Variants in CLCA2 observed in about 807,000 individuals in gnomAD.
The protein encoded by CLCA2 is calcium-activated chloride channel regulator 2.
A neutral mutation model predicts 82.9 loss-of-function variants in CLCA2; 85 were observed. That is an observed-to-expected ratio of 1.03 (90% CI 0.86 to 1.23). The LOEUF is 1.23. Ranked by LOEUF, CLCA2 falls within the 50% of genes most tolerant of loss-of-function variation. CLCA2 has a pLI of 0.00. For synonymous variants in CLCA2, 421 were observed against 391.7 expected (o/e 1.07, Z -0.88); for missense variants, 1,089 against 1,124.8 (o/e 0.97, Z 0.45).
intron 6 of CLCA2, among the ~76,000 whole-genome samples, chr1:86,437,366 C>A (rs1558108342): frequency 6.6e-6 from 1 of 152,122 alleles, no homozygotes; most frequent in Non-Finnish European, 1.5e-5. Flanking sequence ...TGACTAGGCT[C>A]CACAGAGATG....
chr1:86,438,734 T>G, intron 6 of CLCA2, 142 bp from the exon 7 acceptor site: 1 of 670,082 alleles, frequency 1.5e-6, no homozygotes, highest in Non-Finnish European at 2.5e-6. Flanking sequence ...ATTCTAATAT[T>G]ATGTTACTCT....
chr1:86,443,818 A>G lies in CLCA2; in HGVS notation c.1520A>G (p.His507Arg). 6.2e-7 allele frequency: 1 copy of G among 1,613,992 alleles called. No homozygotes were observed. The highest frequency in any genetic ancestry group is 2.2e-5 in the East Asian group (1 of 44,852). Residue 507 changes from histidine to arginine, a missense_variant, in exon 10 of 14, where the codon CAC becomes CGC. Coordinates refer to ENST00000370565, the MANE Select transcript of CLCA2 (RefSeq NM_006536.7). ...LESTGENVKP[H>R]HQLKNTVTVD... Reference sequence around the variant, plus strand: ...AGTACAGGTGAAAATGTCAAACCTCACCATCAATTGAAAAACACAGTGACT... The same window carrying G: ...AGTACAGGTGAAAATGTCAAACCTCGCCATCAATTGAAAAACACAGTGACT...
intron 4 of CLCA2, among the ~76,000 whole-genome samples, chr1:86,431,308 C>T (rs1187778606): frequency 6.6e-6 from 1 of 152,118 alleles, no homozygotes; most frequent in Non-Finnish European, 1.5e-5. Flanking sequence ...CAGGCAAATT[C>T]AAATGAATAG....
chr1:86,452,262 T>G (rs1043899577), intron 12 of CLCA2, among the ~76,000 whole-genome samples: 1 of 149,618 alleles, frequency 6.7e-6, no homozygotes, highest in African/African-American at 2.5e-5. Flanking sequence ...CAGCTTTTGT[T>G]TGACATCTGC....
chr1:86,439,021 G>C lies in CLCA2; in HGVS notation c.1118G>C (p.Arg373Pro). 1 of 1,614,094 alleles carries C rather than the reference G, an allele frequency of 6.2e-7. No homozygotes were observed. Among genetic ancestry groups the C allele is most frequent in the South Asian group, 1.1e-5 (1 of 91,078 alleles). ...QLHQINSNDD[R>P]KLLVSYLPTT... The stretch of plus-strand genomic sequence containing the variant: ...CACCAAATTAACAGCAATGATGATC[G>C]AAAGTTGCTGGTTTCATATCTGCCC... Residue 373 changes from arginine (R) to proline (P), a missense_variant, in exon 7 of 14, where the codon CGA becomes CCA. By Grantham distance (103) the Arg-to-Pro change is moderately radical. Transcript: ENST00000370565.
chr1:86,447,583 G>A lies in CLCA2; in HGVS notation c.1789G>A (p.Ala597Thr), dbSNP rs199543422. The A allele has an allele frequency of 2.7e-5, 44 of 1,613,944 alleles. No homozygotes were observed. Among genetic ancestry groups the A allele is most frequent in the Admixed American group, 1.7e-4 (10 of 59,980 alleles). Residue 597 changes from alanine (A) to threonine (T), a missense_variant, in exon 11 of 14, where the codon GCC becomes ACC. Ala to Thr is a moderately conservative substitution (Grantham distance 58, BLOSUM62 0). Transcript: ENST00000370565. ...QALKVTVTSR[A>T]SNSAVPPATV... ...CCTGAAAGTGACAGTGACCTCTCGC[G>A]CCTCCAACTCAGCTGTGCCCCCAGC...
At chr1:86,446,672 C>T (rs769953492) in intron 10 of CLCA2, among the ~76,000 whole-genome samples, 11 of 152,330 alleles carry the variant, frequency 7.2e-5, no homozygotes, top group Admixed American at 2.0e-4. Flanking sequence ...CCCTGAGTTA[C>T]GCTTCAACCC....
Position 86,453,380 on chromosome 1 carries a change from A to T in CLCA2, c.2167A>T (p.Met723Leu). The change falls in exon 13 of 14, where the codon ATG becomes TTG. Residue 723 changes from methionine (M) to leucine (L), a missense_variant. Met to Leu is a conservative substitution (Grantham distance 15). Transcript: ENST00000370565. ...CTTTTTTGTCTCAGGTAATATTCAG[A>T]TGAATGCTCCAAGGAAATCAGTAGG... ...PGYTANGNIQ[M>L]NAPRKSVGRN... The T allele has an allele frequency of 6.2e-7, 1 of 1,613,956 alleles. No individual in the cohort carries two copies. Among genetic ancestry groups the T allele is most frequent in the Non-Finnish European group, 8.5e-7 (1 of 1,179,894 alleles).
intron 9 of CLCA2, among the ~76,000 whole-genome samples, chr1:86,441,967 A>G (rs1662745479): frequency 1.3e-5 from 2 of 152,234 alleles, no homozygotes. Flanking sequence ...ATTAAATTCT[A>G]CCACAAATAT....
chr1:86,432,271 C>A, intron 4 of CLCA2, 98 bp from the exon 5 acceptor site: 5 of 1,385,574 alleles, frequency 3.6e-6, no homozygotes, highest in Admixed American at 2.1e-5. Context: ...ATATATCTAG[C>A]AGGCTACAAT....
chr1:86,431,985 G>T (rs541570519), intron 4 of CLCA2, among the ~76,000 whole-genome samples: 2 of 151,992 alleles, frequency 1.3e-5, no homozygotes, highest in Non-Finnish European at 2.9e-5. Context: ...GCCCAGGCTG[G>T]AGTGCAATGG....
rs1285374448 is a variant in CLCA2, at chr1:86,455,148, C to T, written c.2453C>T (p.Ala818Val). ...LQNIQDDFNN[A>V]ILVNTSKRNP... ...AATATCCAAGATGACTTTAACAATG[C>T]TATTTTAGTAAATACATCAAAGCGA... The change falls in exon 14 of 14, where the codon GCT (alanine) becomes GTT (valine). Residue 818 changes from alanine (A) to valine (V), a missense_variant. Transcript: ENST00000370565. 6.2e-7 allele frequency: 1 copy of T among 1,610,288 alleles called. No homozygotes were observed. The highest frequency in any genetic ancestry group is 1.3e-5 in the African/African-American group (1 of 74,954).
intron 6 of CLCA2, 30 bp downstream of exon 6, chr1:86,434,775 C>T (rs373548034): frequency 5.4e-6 from 8 of 1,485,442 alleles, no homozygotes; most frequent in Non-Finnish European, 6.6e-6. Context: ...TGAATGTAAA[C>T]ATTTATCATT....
chr1:86,436,206 T>C (rs1449567815), intron 6 of CLCA2, among the ~76,000 whole-genome samples: 1 of 152,238 alleles, frequency 6.6e-6, no homozygotes, highest in African/African-American at 2.4e-5. Flanking sequence ...CTATTGCATC[T>C]GTATGGATGT....
At position 86,443,956 on chromosome 1, in the gene CLCA2, T is replaced by G; in HGVS notation, c.1658T>G (p.Phe553Cys). The G allele has an allele frequency of 6.2e-7, 1 of 1,613,798 alleles. No individual in the cohort carries two copies. The highest frequency in any genetic ancestry group is 8.5e-7 in the Non-Finnish European group (1 of 1,179,722). ...GGACGAAAATACTACACAAATAATT[T>G]TATCACCAATCTAACTTTTCGGACA... ...PDGRKYYTNN[F>C]ITNLTFRTAS... Residue 553 changes from phenylalanine (F) to cysteine (C), a missense_variant, in exon 10 of 14, where the codon TTT becomes TGT. Physicochemically the swap from Phe to Cys is radical, Grantham distance 205. Transcript: ENST00000370565.
intron 10 of CLCA2, among the ~76,000 whole-genome samples, chr1:86,447,088 G>C (rs1276093293): frequency 2.6e-5 from 4 of 152,036 alleles, no homozygotes; most frequent in African/African-American, 9.7e-5. Context: ...AAATTATAAT[G>C]GTCCAATTAA....
chr1:86,451,749 G>A (rs906772009), intron 12 of CLCA2, among the ~76,000 whole-genome samples: 1 of 152,162 alleles, frequency 6.6e-6, no homozygotes, highest in Non-Finnish European at 1.5e-5. Flanking sequence ...CTTTGGGCAA[G>A]TGACTTAGCT....
rs1190239314 is a variant in CLCA2 at position 86,445,356 on chromosome 1, C to CTTTTTT, written c.1713+1365_1713+1370dup. On this transcript the variant is annotated intron_variant, in intron 10 of 13. Transcript: ENST00000370565. ...TTCAGAATAAAATCCAAGTGTTAAC[C>CTTTTTT]TTTTTTTTTTTTTTTTTTTTTTTTT... The CTTTTTT allele has an allele frequency of 3.5e-3, 310 of 88,792 alleles. 1 individual carries two copies. Among genetic ancestry groups the CTTTTTT allele is most frequent in the Middle Eastern group, 0.018 (2 of 114 alleles). 5.5% of individuals were successfully genotyped at this position (88,792 alleles called of 1,614,324 possible).
At chr1:86,448,834 C>T (rs985903578) in intron 11 of CLCA2, among the ~76,000 whole-genome samples, 6 of 152,208 alleles carry the variant, frequency 3.9e-5, no homozygotes, top group Admixed American at 3.9e-4. Flanking sequence ...GCTCTGATGG[C>T]TTATCCATGG....
Sources: gnomAD v4.1 joint callset for allele counts (sites outside exome capture counted in the v4.1 genomes callset) on GRCh38, gnomAD v4.1.1 for gene constraint, MANE v1.5 for transcripts, NCBI Gene and HGNC (gene_info 2026-07-23, HGNC 2026-07-21) for gene names.